Variants in MTMR8 observed in about 807,000 individuals in gnomAD.
The protein encoded by MTMR8 is phosphatidylinositol-3,5-bisphosphate 3-phosphatase MTMR8.
MTMR8 carries 65 observed loss-of-function variants against 39.3 expected under a neutral mutation model. The ratio of observed to expected loss-of-function variants is 1.65; its 90% confidence interval spans 1.35 to 2.03. The LOEUF is 2.03. Among genes scored for constraint, MTMR8 ranks in the 30% most tolerant of loss-of-function variants. The pLI, the probability that MTMR8 is intolerant of heterozygous loss-of-function variation, is 0.00. For synonymous variants in MTMR8, 245 were observed against 185.2 expected (o/e 1.32, Z -2.62); for missense variants, 777 against 538.9 (o/e 1.44, Z -4.37).
chrX:64,280,090 T>A (rs1415347645), intron 12 of MTMR8, among the ~76,000 whole-genome samples: 2 of 112,021 alleles, frequency 1.8e-5, no homozygotes, highest in African/African-American at 6.5e-5. Flanking sequence ...CAGGACCAGA[T>A]GAATTCACAG....
At chrX:64,368,199 T>C (rs1924029833) in intron 1 of MTMR8, among the ~76,000 whole-genome samples, 1 of 111,383 alleles carries the variant, frequency 9.0e-6, no homozygotes, top group Non-Finnish European at 1.9e-5. Context: ...ATTTATACAT[T>C]CAATGCCATC....
chrX:64,310,843 T>G (rs942786137), intron 12 of MTMR8, among the ~76,000 whole-genome samples: 2 of 112,072 alleles, frequency 1.8e-5, no homozygotes, highest in African/African-American at 6.5e-5. Context: ...TCCTTTATTA[T>G]GGCTGCATAG....
At chrX:64,392,020 G>A (rs748221412) in intron 1 of MTMR8, among the ~76,000 whole-genome samples, 3 of 111,803 alleles carry the variant, frequency 2.7e-5, no homozygotes, top group Non-Finnish European at 3.8e-5. Flanking sequence ...TGTAATGAGG[G>A]TAGGGAAAAA....
rs147945481 is a variant in MTMR8, at chrX:64,307,178, C to T, written c.1481+21594G>A. The stretch of plus-strand genomic sequence containing the variant: ...CTAGATACTAGTTTGTTACTGGATA[C>T]GTTATTTGTAGTATTTTCTCCCAGT... On this transcript the variant is annotated intron_variant, in intron 12 of 13. Coordinates refer to ENST00000374852, the MANE Select transcript of MTMR8 (RefSeq NM_017677.4). Among the ~76,000 whole-genome samples the T allele has an allele frequency of 2.2e-4, 25 of 111,670 alleles. 1 individual carries two copies. In the East Asian group the frequency reaches 5.9e-3, roughly 26 times the overall value.
At chrX:64,317,650 T>A (rs1922509096) in intron 12 of MTMR8, among the ~76,000 whole-genome samples, 1 of 112,451 alleles carries the variant, frequency 8.9e-6, no homozygotes, top group East Asian at 2.8e-4. Flanking sequence ...ACTGCCTTTT[T>A]TCAGTTGTTA....
chrX:64,392,114 C>G (rs1229819413), intron 1 of MTMR8, among the ~76,000 whole-genome samples: 1 of 111,498 alleles, frequency 9.0e-6, no homozygotes, highest in Admixed American at 9.6e-5. Flanking sequence ...GTTGTTGAAC[C>G]CTAAGCTATA....
At chrX:64,389,252 C>A (rs1315092691) in intron 1 of MTMR8, among the ~76,000 whole-genome samples, 1 of 111,645 alleles carries the variant, frequency 9.0e-6, no homozygotes, top group Non-Finnish European at 1.9e-5. Context: ...AAAAGACAGT[C>A]TAAGGTCACA....
chrX:64,381,506 C>T (rs2147246106), intron 1 of MTMR8, among the ~76,000 whole-genome samples: 1 of 105,939 alleles, frequency 9.4e-6, no homozygotes, highest in African/African-American at 3.5e-5. Flanking sequence ...GGATATTAGC[C>T]TTTTGTCAGA....
chrX:64,271,600 C>A (rs888549703), intron 12 of MTMR8, among the ~76,000 whole-genome samples: 1 of 112,354 alleles, frequency 8.9e-6, no homozygotes, highest in Non-Finnish European at 1.9e-5. Flanking sequence ...ATAATCCCAA[C>A]TCCCAGCACA....
chrX:64,307,886 A>G (rs1337495276), intron 12 of MTMR8, among the ~76,000 whole-genome samples: 1 of 112,386 alleles, frequency 8.9e-6, no homozygotes, highest in Non-Finnish European at 1.9e-5. Context: ...GCATTTTCTA[A>G]TTGTCAGCAG....
chrX:64,386,313 G>T (rs1294610053), intron 1 of MTMR8, among the ~76,000 whole-genome samples: 1 of 111,842 alleles, frequency 8.9e-6, no homozygotes, highest in Non-Finnish European at 1.9e-5. Context: ...GGTGGCTAAA[G>T]GGTGGCTGGA....
chrX:64,321,686 T>G (rs972342337), intron 12 of MTMR8, among the ~76,000 whole-genome samples: 3 of 111,790 alleles, frequency 2.7e-5, no homozygotes, highest in Non-Finnish European at 3.8e-5. Context: ...TGACAGAGTA[T>G]GTCACAAATT....
chrX:64,314,112 T>C (rs749145020), intron 12 of MTMR8, among the ~76,000 whole-genome samples: 30 of 112,496 alleles, frequency 2.7e-4, no homozygotes, highest in African/African-American at 8.7e-4. Context: ...GCCTCTGCTT[T>C]GTTCTTTGGC....
Position 64,394,889 on chromosome X carries a change from G to T in MTMR8, c.24+451C>A, listed in dbSNP as rs1442201939. 2.7e-5 allele frequency among the ~76,000 whole-genome samples: 3 copies of T among 112,612 alleles called. No homozygotes were observed. In the East Asian group the frequency reaches 8.5e-4, roughly 32 times the overall value. On this transcript the variant is annotated intron_variant, in intron 1 of 13. Coordinates refer to ENST00000374852, the MANE Select transcript of MTMR8 (RefSeq NM_017677.4). The stretch of plus-strand genomic sequence containing the variant: ...GGGGTTCTGGGCAATCCCTGGGGAA[G>T]GTTAGTGGCTGGAGGAGCCAAGAGG...
chrX:64,277,982 T>C (rs1931916983), intron 12 of MTMR8, among the ~76,000 whole-genome samples: 1 of 109,241 alleles, frequency 9.2e-6, no homozygotes, highest in South Asian at 4.0e-4. Flanking sequence ...TAAGTTGATC[T>C]TCAATCTCTG....
intron 12 of MTMR8, among the ~76,000 whole-genome samples, chrX:64,328,089 A>G (rs1922846416): frequency 8.9e-6 from 1 of 112,038 alleles, no homozygotes; most frequent in South Asian, 3.7e-4. Flanking sequence ...TGAAAAACCT[A>G]CAGCTAACAT....
intron 1 of MTMR8, among the ~76,000 whole-genome samples, chrX:64,384,797 G>GGAGA (rs1924516952): frequency 8.9e-6 from 1 of 112,354 alleles, no homozygotes; most frequent in African/African-American, 3.2e-5. Context: ...GTGATGGGAG[G>GGAGA]GGCTGCCATT....
intron 1 of MTMR8, among the ~76,000 whole-genome samples, chrX:64,383,170 A>C (rs967436173): frequency 9.0e-6 from 1 of 111,216 alleles, no homozygotes; most frequent in African/African-American, 3.3e-5. Flanking sequence ...ACCTGCCCCT[A>C]GGATTCTGTC....
chrX:64,302,445 A>T (rs1921925754), intron 12 of MTMR8, among the ~76,000 whole-genome samples: 1 of 111,887 alleles, frequency 8.9e-6, no homozygotes, highest in Admixed American at 9.4e-5. Flanking sequence ...GCGCACACCC[A>T]CTGGCCTGCG....
Sources: gnomAD v4.1 joint callset for allele counts (sites outside exome capture counted in the v4.1 genomes callset) on GRCh38, gnomAD v4.1.1 for gene constraint, MANE v1.5 for transcripts, NCBI Gene and HGNC (gene_info 2026-07-23, HGNC 2026-07-21) for gene names.